GLO1: variants seen among roughly 807,000 people sequenced by gnomAD.
GLO1 encodes the protein lactoylglutathione lyase.
GLO1 carries 28 observed loss-of-function variants against 26.0 expected under a neutral mutation model. The ratio of observed to expected loss-of-function variants is 1.08; its 90% confidence interval spans 0.80 to 1.48. The LOEUF is 1.48. Among genes scored for constraint, GLO1 ranks in the 40% most tolerant of loss-of-function variants. GLO1 has a pLI of 0.00. For synonymous variants in GLO1, 78 were observed against 77.6 expected, an observed-to-expected ratio of 1.00 and a Z score of -0.03; for missense variants, 225 against 224.8, an observed-to-expected ratio of 1.00 and a Z score of -0.01.
chr6:38,694,813 G>A (rs1190053203), intron 1 of GLO1, among the ~76,000 whole-genome samples: 1 of 152,098 alleles, frequency 6.6e-6, no homozygotes, highest in African/African-American at 2.4e-5. Flanking sequence ...TGATTACTGT[G>A]TCATCTTGGT....
intron 5 of GLO1, 113 bp downstream of exon 5, chr6:38,681,899 T>C: frequency 1.5e-6 from 1 of 666,996 alleles, no homozygotes; most frequent in Non-Finnish European, 2.7e-6. Flanking sequence ...CTGGTTGAAG[T>C]GGAGACTTCT....
At position 38,678,409 on chromosome 6, in the gene GLO1, GGAAAA is replaced by G. The variant is rs67239641; in HGVS notation, c.467-1031_467-1027del. The stretch of plus-strand genomic sequence containing the variant: ...AAGGAAGGAAGGAAGGAAAAGAAAA[GGAAAA>G]GAAAAGAAAAGAAAAGAAAAGGAAA... On this transcript the variant is annotated intron_variant, in intron 5 of 5. Coordinates refer to ENST00000373365, the MANE Select transcript of GLO1 (RefSeq NM_006708.3). 2.1e-3 allele frequency among the ~76,000 whole-genome samples: 296 copies of G among 142,138 alleles called. 2 individuals carry two copies. Among genetic ancestry groups the G allele is most frequent in the East Asian group, 8.2e-3 (37 of 4,532 alleles). 93.2% of individuals were successfully genotyped at this position (142,138 alleles called of 152,430 possible).
At chr6:38,702,153 TCTTGACCTCGTGATCCGCCCGC>T (rs1334150978) in intron 1 of GLO1, among the ~76,000 whole-genome samples, 1 of 152,060 alleles carries the variant, frequency 6.6e-6, no homozygotes, top group Non-Finnish European at 1.5e-5. Context: ...GGTCTCTACC[TCTTGACCTCGTGATCCGCCCGC>T]CTTGGCCTCC....
intron 5 of GLO1, among the ~76,000 whole-genome samples, chr6:38,681,436 G>A (rs1761378380): frequency 6.6e-6 from 1 of 152,132 alleles, no homozygotes; most frequent in African/African-American, 2.4e-5. Context: ...TGTTTAGATT[G>A]AGACTCTGAA....
At position 38,684,442 on chromosome 6, in the gene GLO1, G is replaced by T; in HGVS notation, c.240C>A (p.Asp80Glu). Residue 80 changes from aspartate (D) to glutamate (E), a missense_variant, in exon 3 of 6, where the codon GAC becomes GAA. Asp to Glu is a conservative substitution (Grantham distance 45). Transcript: ENST00000373365. ...LYFLAYEDKN[D>E]IPKEKDEKIA... ...TTTTTTCATCTTTTTCTTTAGGGAT[G>T]TCATTTTTATCCTCATAAGCCAAGA... is the stretch of plus-strand genomic sequence containing the variant. 2 of 1,576,330 alleles carry T rather than the reference G, an allele frequency of 1.3e-6. No homozygotes were observed. The highest frequency in any genetic ancestry group is 1.2e-5 in the South Asian group (1 of 86,356).
rs139320521 is a variant in GLO1 at position 38,699,439 on chromosome 6, C to T, written c.84+3532G>A. ...ACCTTGAAAAACAACAGAAAAACAG[C>T]GATTTTAGGGAACAAGGGAAGACAA... On this transcript the variant is annotated intron_variant, in intron 1 of 5. Coordinates refer to ENST00000373365, the MANE Select transcript of GLO1 (RefSeq NM_006708.3). Among the ~76,000 whole-genome samples the T allele has an allele frequency of 2.9e-3, 445 of 151,988 alleles. 2 individuals carry two copies. Among genetic ancestry groups the T allele is most frequent in the African/African-American group, 0.01 (423 of 41,428 alleles).
chr6:38,679,974 C>T (rs925581317), intron 5 of GLO1, among the ~76,000 whole-genome samples: 2 of 152,020 alleles, frequency 1.3e-5, no homozygotes, highest in African/African-American at 4.8e-5. Flanking sequence ...AATTGGTATT[C>T]CAGTTTGAGG....
intron 2 of GLO1, among the ~76,000 whole-genome samples, chr6:38,685,950 C>T (rs1009752812): frequency 1.1e-4 from 17 of 152,152 alleles, no homozygotes; most frequent in Non-Finnish European, 1.8e-4. Context: ...TTGGTTTCTC[C>T]GTCTGTGAAA....
intron 1 of GLO1, among the ~76,000 whole-genome samples, chr6:38,695,526 T>G (rs1212247321): frequency 6.6e-6 from 1 of 152,082 alleles, no homozygotes; most frequent in Non-Finnish European, 1.5e-5. Flanking sequence ...ACTGCTGGGT[T>G]GGGGTGGAAT....
Position 38,684,506 on chromosome 6 carries a change from T to C in GLO1, c.176A>G (p.Gln59Arg). 6.5e-7 allele frequency: 1 copy of C among 1,533,200 alleles called. No individual in the cohort carries two copies. Among genetic ancestry groups the C allele is most frequent in the South Asian group, 1.3e-5 (1 of 78,268 alleles). The allele number at this position is 1,533,200 out of a possible 1,614,324, so 95.0% of individuals were successfully genotyped here. A position where few individuals can be genotyped will look rare whatever the true frequency, so the allele number is the denominator to read the frequency against. The change falls in exon 3 of 6, where the codon CAA (glutamine) becomes CGA (arginine). Residue 59 changes from glutamine (Q) to arginine (R), a missense_variant. Gln to Arg is a conservative substitution (Grantham distance 43). Coordinates refer to ENST00000373365, the MANE Select transcript of GLO1 (RefSeq NM_006708.3). ...YTRVLGMTLI[Q>R]KCDFPIMKFS... The stretch of plus-strand genomic sequence containing the variant: ...CTTCATAATGGGAAAATCACATTTT[T>C]GGATTAGCCTGCAATGAAAAAACAA...
Position 38,703,134 on chromosome 6 carries a change from T to C in GLO1, c.-80A>G. ...CACTACGCCTCGGCCCTGTGCCGCC[T>C]TAACTAGGAATGGCGCGATGGCGCC... is the stretch of plus-strand genomic sequence containing the variant. On this transcript the variant is annotated 5_prime_UTR_variant, in exon 1 of 6. Transcript: ENST00000373365. 3.5e-6 allele frequency: 3 copies of C among 846,724 alleles called. No individual in the cohort carries two copies. The highest frequency in any genetic ancestry group is 5.6e-6 in the Non-Finnish European group (3 of 533,248). 52.5% of individuals were successfully genotyped at this position (846,724 alleles called of 1,614,324 possible). A position where few individuals can be genotyped will look rare whatever the true frequency, so the allele number is the denominator to read the frequency against.
In GLO1 at chr6:38,682,888, G is replaced by A; in HGVS notation, c.309-13C>T. 6.8e-7 allele frequency: 1 copy of A among 1,473,816 alleles called. No homozygotes were observed. Among genetic ancestry groups the A allele is most frequent in the Non-Finnish European group, 9.5e-7 (1 of 1,051,046 alleles). The allele number at this position is 1,473,816 out of a possible 1,614,324, so 91.3% of individuals were successfully genotyped here. On this transcript the variant is annotated splice_polypyrimidine_tract_variant and intron_variant, in intron 3 of 5. Coordinates refer to ENST00000373365, the MANE Select transcript of GLO1 (RefSeq NM_006708.3). ...AGTGCCCCAATTGCTACAAAAGGAAGGAAAACATAGCTACAATGTCCTAGG... is the reference window on the plus strand; with the variant it reads ...AGTGCCCCAATTGCTACAAAAGGAAAGAAAACATAGCTACAATGTCCTAGG...
intron 1 of GLO1, among the ~76,000 whole-genome samples, chr6:38,699,127 C>A (rs1761654987): frequency 6.6e-6 from 1 of 152,196 alleles, no homozygotes; most frequent in Non-Finnish European, 1.5e-5. Flanking sequence ...ACCTGCCCTG[C>A]ATTGCAATTC....
intron 1 of GLO1, among the ~76,000 whole-genome samples, chr6:38,698,346 T>C (rs1169959489): frequency 6.6e-6 from 1 of 151,448 alleles, no homozygotes; most frequent in African/African-American, 2.4e-5. Flanking sequence ...TCCTTCTTCC[T>C]TCCTCCTTTC....
At chr6:38,677,920 C>T (rs1761286644) in intron 5 of GLO1, among the ~76,000 whole-genome samples, 1 of 152,152 alleles carries the variant, frequency 6.6e-6, no homozygotes, top group African/African-American at 2.4e-5. Flanking sequence ...TTTTAGGTAT[C>T]AGGCATTTGC....
At chr6:38,677,473 G>GA (rs1761272119) in intron 5 of GLO1, 90 bp from the exon 6 acceptor site, 1 of 695,552 alleles carries the variant, frequency 1.4e-6, no homozygotes, top group Non-Finnish European at 2.5e-6. Flanking sequence ...GTCTTGCTCT[G>GA]AATGTCAGGC....
At chr6:38,693,685 C>CTCTCTCTCTCTCTATATATATATATA in intron 1 of GLO1, among the ~76,000 whole-genome samples, 2 of 86,442 alleles carry the variant, frequency 2.3e-5, no homozygotes, top group South Asian at 3.6e-4. Context: ...CTCTCTCTCT[C>CTCTCTCTCTCTCTATATATATATATA]TATATATATA....
At chr6:38,692,010 T>C (rs1018414363) in intron 1 of GLO1, among the ~76,000 whole-genome samples, 3 of 152,208 alleles carry the variant, frequency 2.0e-5, no homozygotes, top group African/African-American at 7.2e-5. Context: ...GAAAAATTCT[T>C]CCCACTTTAT....
chr6:38,696,762 A>G (rs915278352), intron 1 of GLO1, among the ~76,000 whole-genome samples: 12 of 152,194 alleles, frequency 7.9e-5, no homozygotes, highest in African/African-American at 2.9e-4. Context: ...CCACACTTGC[A>G]TTAGCCATAT....
Sources: gnomAD v4.1 joint callset for allele counts (sites outside exome capture counted in the v4.1 genomes callset) on GRCh38, gnomAD v4.1.1 for gene constraint, MANE v1.5 for transcripts, NCBI Gene and HGNC (gene_info 2026-07-23, HGNC 2026-07-21) for gene names.